Variants in SYNE2 observed in about 807,000 individuals in gnomAD.
SYNE2 encodes nesprin-2.
Under a neutral mutation model 856.3 loss-of-function variants are expected in SYNE2, and 431 were observed. That is an observed-to-expected ratio of 0.50 (90% CI 0.47 to 0.55). SYNE2 has a LOEUF of 0.55. Among genes scored for constraint, SYNE2 ranks in the 20% least tolerant of loss-of-function variants. The pLI is 0.00. For missense variants in SYNE2, 8,129 were observed against 8,023.2 expected (o/e 1.01, Z -0.50); for synonymous variants, 2,923 against 2,872.3 (o/e 1.02, Z -0.56).
At position 64,126,747 on chromosome 14, in the gene SYNE2, T is replaced by G. The variant is rs770508654; in HGVS notation, c.13857T>G (p.Ala4619=). 9 of 1,614,078 alleles carry G rather than the reference T, an allele frequency of 5.6e-6. No homozygotes were observed. The change falls in exon 73 of 116, where the codon GCT becomes GCG. Residue 4619 remains alanine, a synonymous_variant. Coordinates refer to ENST00000555002, the MANE Select transcript of SYNE2 (RefSeq NM_182914.3). ...NLQVCLEHTQ[A]AAVCRSKSLK... ...AAGTCTGCCTGGAGCACACTCAGGCTGCAGCTGTCTGTAGAAGCAAGTCCC... is the reference window on the plus strand; with the variant it reads ...AAGTCTGCCTGGAGCACACTCAGGCGGCAGCTGTCTGTAGAAGCAAGTCCC...
chr14:64,077,212 A>C (rs544552836), intron 54 of SYNE2, among the ~76,000 whole-genome samples: 1 of 152,168 alleles, frequency 6.6e-6, no homozygotes, highest in Non-Finnish European at 1.5e-5. Context: ...ACATAGTAAC[A>C]TTGTGTATAA....
intron 96 of SYNE2, among the ~76,000 whole-genome samples, chr14:64,185,519 C>CTTT (rs66490444): frequency 3.9e-5 from 3 of 77,474 alleles, no homozygotes; most frequent in Non-Finnish European, 7.1e-5. Context: ...TTTTCTTTTT[C>CTTT]TTTTTTTTTT....
chr14:64,149,687 A>T (rs1265115528), intron 84 of SYNE2, among the ~76,000 whole-genome samples: 2 of 152,230 alleles, frequency 1.3e-5, no homozygotes, highest in Non-Finnish European at 2.9e-5. Context: ...GATATTTTAA[A>T]AATATTTAAT....
chr14:64,051,964 G>A lies in SYNE2; in HGVS notation c.8051G>A (p.Gly2684Glu), dbSNP rs374785983. Residue 2684 changes from glycine to glutamate, a missense_variant, in exon 48 of 116, where the codon GGG becomes GAG. By Grantham distance (98) the Gly-to-Glu change is moderately conservative. Around this residue, in one of 3 missense-constraint regions of SYNE2, gnomAD observed 5,410 missense variants for 5,284.8 expected, o/e 1.02. Coordinates refer to ENST00000555002, the MANE Select transcript of SYNE2 (RefSeq NM_182914.3). ...ATKHGFSVLK[G>E]QAELQMKRIW... Reference sequence around the variant, plus strand: ...AAGCATGGATTTTCTGTTTTAAAGGGGCAAGCTGAACTTCAGATGAAGAGG... The same window carrying A: ...AAGCATGGATTTTCTGTTTTAAAGGAGCAAGCTGAACTTCAGATGAAGAGG... The A allele has an allele frequency of 1.9e-6, 3 of 1,613,702 alleles. No individual in the cohort carries two copies. Among genetic ancestry groups the A allele is most frequent in the African/African-American group, 1.3e-5 (1 of 74,874 alleles).
intron 99 of SYNE2, among the ~76,000 whole-genome samples, chr14:64,193,420 C>T (rs941982568): frequency 2.6e-5 from 4 of 152,020 alleles, no homozygotes; most frequent in African/African-American, 4.8e-5. Context: ...CGTGGTGGTG[C>T]GCACCTGTAG....
At chr14:64,214,670 G>A in intron 106 of SYNE2, 200 bp downstream of exon 106, 1 of 615,742 alleles carries the variant, frequency 1.6e-6, no homozygotes, top group Non-Finnish European at 2.8e-6. Flanking sequence ...GAATGAAAGG[G>A]GGAAAAAAAA....
intron 8 of SYNE2, among the ~76,000 whole-genome samples, chr14:63,957,264 ATTTTTT>A (rs4027476): frequency 0.14 from 14,991 of 110,824 alleles, 1,120 homozygotes; most frequent in African/African-American, 0.25. Flanking sequence ...TGCCCAGCTA[ATTTTTT>A]TTTTTTTTTT....
intron 1 of SYNE2, among the ~76,000 whole-genome samples, chr14:63,787,072 C>T (rs1887557528): frequency 6.6e-6 from 1 of 151,986 alleles, no homozygotes; most frequent in Non-Finnish European, 1.5e-5. Context: ...CTTCTTTTTT[C>T]TTTCTTTCCG....
rs781634034 is a variant in SYNE2, at chr14:64,152,623, T to C, written c.15699T>C (p.Tyr5233=). ...CACTAGATGAGTTGAAACAAAGTTA[T>C]CTGACTTTGGAGAGTGGGGCAGTGC... ...SKALDELKQS[Y]LTLESGAVPL... is the part of the protein sequence containing the mutation. The change falls in exon 85 of 116, where the codon TAT becomes TAC. Residue 5233 remains tyrosine (Y), a synonymous_variant. Coordinates refer to ENST00000555002, the MANE Select transcript of SYNE2 (RefSeq NM_182914.3). 12 of 1,614,122 alleles carry C rather than the reference T, an allele frequency of 7.4e-6. No individual in the cohort carries two copies. The highest frequency in any genetic ancestry group is 1.7e-4 in the Middle Eastern group (1 of 6,058).
chr14:64,173,342 C>T (rs1413289558), intron 94 of SYNE2, among the ~76,000 whole-genome samples: 3 of 152,198 alleles, frequency 2.0e-5, no homozygotes, highest in Non-Finnish European at 4.4e-5. Context: ...ATACGAGTGG[C>T]TCATTTGCGC....
At chr14:64,093,079 C>A (rs1009822832) in intron 60 of SYNE2, among the ~76,000 whole-genome samples, 1 of 151,784 alleles carries the variant, frequency 6.6e-6, no homozygotes, top group African/African-American at 2.4e-5. Flanking sequence ...ACCCACTGGA[C>A]CAGAAATACT....
chr14:63,983,959 T>C, intron 18 of SYNE2, 73 bp downstream of exon 18: 3 of 1,182,502 alleles, frequency 2.5e-6, no homozygotes, highest in Non-Finnish European at 2.4e-6. Context: ...AAAAAAGATA[T>C]TGCCGGGCAC....
intron 1 of SYNE2, among the ~76,000 whole-genome samples, chr14:63,906,641 G>A (rs2095413196): frequency 6.6e-6 from 1 of 152,096 alleles, no homozygotes. Flanking sequence ...GGGATCAGCT[G>A]TAATATCTTT....
chr14:63,899,520 G>A (rs935491560), intron 1 of SYNE2, among the ~76,000 whole-genome samples: 2 of 149,012 alleles, frequency 1.3e-5, no homozygotes, highest in Admixed American at 6.6e-5. Context: ...TAGTTTTTTT[G>A]AGACAGGGTC....
chr14:64,027,845 A>G, intron 43 of SYNE2, 52 bp downstream of exon 43: 2 of 1,323,416 alleles, frequency 1.5e-6, no homozygotes, highest in African/African-American at 1.4e-5. Flanking sequence ...ATACATAAGT[A>G]TGCAAGACAT....
intron 104 of SYNE2, 75 bp from the exon 105 acceptor site, chr14:64,212,736 C>G: frequency 1.5e-6 from 2 of 1,340,640 alleles, no homozygotes; most frequent in Non-Finnish European, 2.1e-6. Context: ...TTTTCTATGG[C>G]CCTGTTAGAA....
intron 1 of SYNE2, among the ~76,000 whole-genome samples, chr14:63,868,686 A>G (rs1896076130): frequency 6.6e-6 from 1 of 152,152 alleles, no homozygotes; most frequent in South Asian, 2.1e-4. Flanking sequence ...ATGGAAAATG[A>G]AAGTAATATG....
chr14:63,872,432 CAAAA>C (rs35493713), intron 1 of SYNE2, among the ~76,000 whole-genome samples: 1 of 142,070 alleles, frequency 7.0e-6, no homozygotes, highest in Non-Finnish European at 1.5e-5. Flanking sequence ...GACACCATCT[CAAAA>C]AAAAAAAAGA....
intron 2 of SYNE2, among the ~76,000 whole-genome samples, chr14:63,929,407 G>A (rs1256634897): frequency 6.6e-6 from 1 of 152,168 alleles, no homozygotes; most frequent in Admixed American, 6.5e-5. Flanking sequence ...TAAATCTAAA[G>A]AAGAAAGTAA....
Sources: allele counts gnomAD v4.1 joint callset (sites outside exome capture counted in the v4.1 genomes callset), GRCh38; gene constraint gnomAD v4.1.1; regional missense constraint gnomAD v4.1.1; transcripts MANE v1.5; gene names NCBI Gene and HGNC (gene_info 2026-07-23, HGNC 2026-07-21).